The following NELL1 variants were observed in gnomAD, a reference collection of about 807,000 sequenced individuals.
The protein encoded by NELL1 is neural EGFL like 1.
Under a neutral mutation model 107.4 loss-of-function variants are expected in NELL1, and 76 were observed. The ratio of observed to expected loss-of-function variants is 0.71; its 90% CI spans 0.59 to 0.86. The LOEUF is 0.86. Among genes scored for constraint, NELL1 ranks in the 40% least tolerant of loss-of-function variants. The pLI is 0.00. For synonymous variants in NELL1, 353 were observed against 341.2 expected, an observed-to-expected ratio of 1.03 and a Z score of -0.38; for missense variants, 1,024 against 1,005.5, an observed-to-expected ratio of 1.02 and a Z score of -0.25.
At chr11:21,218,753 G>T (rs1857680127) in intron 13 of NELL1, among the ~76,000 whole-genome samples, 1 of 152,072 alleles carries the variant, frequency 6.6e-6, no homozygotes, top group Non-Finnish European at 1.5e-5. Flanking sequence ...TCATCTTTCT[G>T]TGCATGACTT....
chr11:20,681,649 A>T (rs1327626606), intron 2 of NELL1, among the ~76,000 whole-genome samples: 1 of 152,094 alleles, frequency 6.6e-6, no homozygotes, highest in African/African-American at 2.4e-5. Context: ...TACTGGTGCT[A>T]TAACAAATTT....
At chr11:21,077,674 C>G (rs1484668943) in intron 12 of NELL1, among the ~76,000 whole-genome samples, 2 of 150,568 alleles carry the variant, frequency 1.3e-5, no homozygotes, top group Admixed American at 6.6e-5. Flanking sequence ...ACCTGGGAGA[C>G]GGAGGTTGCA....
intron 14 of NELL1, among the ~76,000 whole-genome samples, chr11:21,248,907 G>A (rs1315906534): frequency 4.6e-5 from 7 of 152,050 alleles, no homozygotes; most frequent in Admixed American, 4.6e-4. Flanking sequence ...TTTCTACTGT[G>A]GGAGGGAATC....
At chr11:20,864,805 T>C (rs1490375676) in intron 4 of NELL1, among the ~76,000 whole-genome samples, 1 of 152,222 alleles carries the variant, frequency 6.6e-6, no homozygotes, top group Non-Finnish European at 1.5e-5. Context: ...AGCTCTTGCC[T>C]TTTTAGTTCA....
At chr11:20,768,957 A>C (rs1455959308) in intron 2 of NELL1, among the ~76,000 whole-genome samples, 1 of 152,206 alleles carries the variant, frequency 6.6e-6, no homozygotes, top group Non-Finnish European at 1.5e-5. Flanking sequence ...TAAGAAACTA[A>C]TAAAGCAACT....
chr11:21,347,144 C>T (rs967643547), intron 14 of NELL1, among the ~76,000 whole-genome samples: 1 of 152,086 alleles, frequency 6.6e-6, no homozygotes, highest in African/African-American at 2.4e-5. Flanking sequence ...TTTAAGAAAT[C>T]CTAGGTCATG....
intron 12 of NELL1, among the ~76,000 whole-genome samples, chr11:20,963,654 C>T (rs1019320970): frequency 6.6e-6 from 1 of 152,196 alleles, no homozygotes; most frequent in Non-Finnish European, 1.5e-5. Flanking sequence ...TGGCCAAATG[C>T]CCTCCTAGGA....
At chr11:21,211,007 C>G (rs910580875) in intron 13 of NELL1, among the ~76,000 whole-genome samples, 2 of 152,034 alleles carry the variant, frequency 1.3e-5, no homozygotes, top group Non-Finnish European at 2.9e-5. Context: ...GTATTAGGCA[C>G]TTACTAAATT....
At chr11:21,039,818 T>G (rs1429071655) in intron 12 of NELL1, among the ~76,000 whole-genome samples, 1 of 152,162 alleles carries the variant, frequency 6.6e-6, no homozygotes, top group Middle Eastern at 3.2e-3. Flanking sequence ...GAGGTCATTC[T>G]GGAGCTGATA....
intron 13 of NELL1, among the ~76,000 whole-genome samples, chr11:21,204,650 CT>C: frequency 6.6e-6 from 1 of 151,958 alleles, no homozygotes; most frequent in African/African-American, 2.4e-5. Flanking sequence ...GTTTTGTTCC[CT>C]TGCTGGTGAG....
intron 2 of NELL1, among the ~76,000 whole-genome samples, chr11:20,710,198 G>A (rs1411342839): frequency 1.3e-5 from 2 of 152,158 alleles, no homozygotes; most frequent in African/African-American, 2.4e-5. Flanking sequence ...TGTCATAGAA[G>A]GCTTTTATTA....
chr11:21,040,195 T>C (rs752131109), intron 12 of NELL1, among the ~76,000 whole-genome samples: 4 of 151,724 alleles, frequency 2.6e-5, no homozygotes, highest in Non-Finnish European at 4.4e-5. Context: ...AATTTAATAC[T>C]AGGCATCATG....
chr11:20,814,857 G>A (rs757951989), intron 3 of NELL1, among the ~76,000 whole-genome samples: 3 of 152,130 alleles, frequency 2.0e-5, no homozygotes, highest in Non-Finnish European at 2.9e-5. Flanking sequence ...TCTGTTTTAG[G>A]TTTTTTGAGA....
At chr11:21,376,085 C>T (rs1040447327) in intron 15 of NELL1, among the ~76,000 whole-genome samples, 10 of 152,158 alleles carry the variant, frequency 6.6e-5, no homozygotes, top group African/African-American at 2.2e-4. Context: ...GTTTTTGTTG[C>T]AATTGCTTAT....
intron 2 of NELL1, among the ~76,000 whole-genome samples, chr11:20,703,237 A>G (rs1300766095): frequency 1.3e-5 from 2 of 152,112 alleles, no homozygotes; most frequent in Non-Finnish European, 2.9e-5. Flanking sequence ...GGGAGGGTGT[A>G]TGTGTCGAGG....
chr11:20,737,752 A>G (rs1272120725), intron 2 of NELL1, among the ~76,000 whole-genome samples: 1 of 152,018 alleles, frequency 6.6e-6, no homozygotes, highest in Non-Finnish European at 1.5e-5. Context: ...AGTCTCTACT[A>G]TTAACATTAT....
At chr11:21,190,426 A>C (rs1353514998) in intron 13 of NELL1, among the ~76,000 whole-genome samples, 1 of 151,846 alleles carries the variant, frequency 6.6e-6, no homozygotes, top group Non-Finnish European at 1.5e-5. Context: ...GGAGCATCAT[A>C]AGGCCTTAGT....
intron 12 of NELL1, among the ~76,000 whole-genome samples, chr11:21,083,268 TG>T (rs1348351941): frequency 6.6e-6 from 1 of 152,180 alleles, no homozygotes; most frequent in African/African-American, 2.4e-5. Flanking sequence ...AGCAGATTGC[TG>T]GGTGTGTGTT....
intron 12 of NELL1, among the ~76,000 whole-genome samples, chr11:21,080,660 T>G (rs958436594): frequency 3.9e-5 from 6 of 152,096 alleles, no homozygotes; most frequent in African/African-American, 9.7e-5. Flanking sequence ...TACCTATCTG[T>G]GCACATGGTA....
Sources: gnomAD v4.1 joint callset for allele counts (sites outside exome capture counted in the v4.1 genomes callset) on GRCh38, gnomAD v4.1.1 for gene constraint, MANE v1.5 for transcripts, NCBI Gene and HGNC (gene_info 2026-07-23, HGNC 2026-07-21) for gene names.